Variants in STRIP2 observed in about 807,000 individuals in gnomAD.
STRIP2 encodes striatin-interacting protein 2.
A neutral mutation model predicts 107.1 loss-of-function variants in STRIP2; 84 were observed. That is an observed-to-expected ratio of 0.78 (90% CI 0.66 to 0.94). The LOEUF (loss-of-function observed/expected upper bound fraction) is 0.94, where lower values mean the gene tolerates loss of function less well. STRIP2 is among the 40% of genes least tolerant of loss of function. The probability of loss-of-function intolerance (pLI) is 0.00; values close to 1 mark genes in which losing one functional copy is unlikely to be tolerated. For synonymous variants in STRIP2, 394 were observed against 400.4 expected (o/e 0.98, Z 0.19); for missense variants, 888 against 1,034.2 (o/e 0.86, Z 1.94).
intron 18 of STRIP2, among the ~76,000 whole-genome samples, chr7:129,475,543 CTTTTTTTTTCTTTTT>C (rs760661419): frequency 4.0e-4 from 33 of 83,446 alleles, no homozygotes; most frequent in African/African-American, 1.4e-3. Flanking sequence ...GGTGATGACT[CTTTTTTTTTCTTTTT>C]TTTTTTTTTC....
intron 2 of STRIP2, among the ~76,000 whole-genome samples, chr7:129,441,941 G>T (rs1470404714): frequency 6.6e-6 from 1 of 152,198 alleles, no homozygotes; most frequent in East Asian, 1.9e-4. Flanking sequence ...ATCAATAAAT[G>T]CTTGGCCAGG....
chr7:129,472,229 G>C (rs1798804688), intron 18 of STRIP2, among the ~76,000 whole-genome samples: 1 of 152,138 alleles, frequency 6.6e-6, no homozygotes, highest in Admixed American at 6.5e-5. Context: ...CATTTCAGAA[G>C]ATAAAGTCAA....
rs112703617 is a variant in STRIP2, at chr7:129,459,939, C to T, written c.1404+359C>T. ...GAGCCTGCTCTATATCCATTGTATG[C>T]ATGGAGTCATCACTCCATGCATACG... On this transcript the variant is annotated intron_variant, in intron 12 of 20. Transcript: ENST00000249344. Among the ~76,000 whole-genome samples, 1,016 of 152,192 alleles carry T rather than the reference C, an allele frequency of 6.7e-3. 12 individuals are homozygous for T. The highest frequency in any genetic ancestry group is 0.024 in the African/African-American group (982 of 41,494).
chr7:129,436,211 G>C (rs996788593), intron 1 of STRIP2, among the ~76,000 whole-genome samples: 4 of 152,150 alleles, frequency 2.6e-5, no homozygotes, highest in African/African-American at 9.7e-5. Context: ...TAGGTGCCAG[G>C]GATATATCAG....
At chr7:129,440,931 A>G (rs1447052118) in intron 2 of STRIP2, among the ~76,000 whole-genome samples, 1 of 152,206 alleles carries the variant, frequency 6.6e-6, no homozygotes, top group Non-Finnish European at 1.5e-5. Flanking sequence ...CAGAGAATAA[A>G]TTTTGTGATG....
intron 13 of STRIP2, among the ~76,000 whole-genome samples, chr7:129,460,791 C>T (rs748181127): frequency 1.3e-5 from 2 of 152,136 alleles, no homozygotes; most frequent in African/African-American, 2.4e-5. Context: ...TTAAGAGTGT[C>T]AGAGGTAGTG....
chr7:129,485,967 G>C lies in STRIP2; in HGVS notation c.*138G>C. 1.0e-6 allele frequency: 1 copy of C among 974,048 alleles called. No homozygotes were observed. Among genetic ancestry groups the C allele is most frequent in the Non-Finnish European group, 1.5e-6 (1 of 662,282 alleles). 60.3% of individuals were successfully genotyped at this position (974,048 alleles called of 1,614,324 possible). On this transcript the variant is annotated 3_prime_UTR_variant, in exon 21 of 21. Transcript: ENST00000249344. ...TTGGGCCTAAAGATGGTGCAAGGGTGGGATCCTGAATCACAATAAAATGAT... is the reference window on the plus strand; with the variant it reads ...TTGGGCCTAAAGATGGTGCAAGGGTCGGATCCTGAATCACAATAAAATGAT...
intron 7 of STRIP2, 70 bp from the exon 8 acceptor site, chr7:129,455,174 C>G: frequency 6.5e-7 from 1 of 1,534,384 alleles, no homozygotes; most frequent in Non-Finnish European, 8.8e-7. Context: ...TGTCCAGAAT[C>G]AGGGTTACAT....
At chr7:129,456,400 C>T in intron 8 of STRIP2, 39 bp from the exon 9 acceptor site, 4 of 1,591,128 alleles carry the variant, frequency 2.5e-6, no homozygotes, top group Non-Finnish European at 3.4e-6. Context: ...TACTTCCCTT[C>T]CTTCCTCTCT....
intron 16 of STRIP2, among the ~76,000 whole-genome samples, chr7:129,466,988 C>T (rs185624468): frequency 1.3e-5 from 2 of 152,318 alleles, no homozygotes; most frequent in East Asian, 1.9e-4. Context: ...ATATCAATCA[C>T]AGTTGAAACA....
chr7:129,454,236 G>T, intron 6 of STRIP2, 26 bp downstream of exon 6: 10 of 1,610,636 alleles, frequency 6.2e-6, no homozygotes, highest in Non-Finnish European at 8.5e-6. Flanking sequence ...TATGGGCTTG[G>T]AACAGGGCAG....
At chr7:129,476,991 A>G (rs1273072827) in intron 18 of STRIP2, among the ~76,000 whole-genome samples, 2 of 151,380 alleles carry the variant, frequency 1.3e-5, no homozygotes, top group African/African-American at 2.4e-5. Flanking sequence ...CGGCCAACAC[A>G]GCGAAACCCC....
chr7:129,436,380 A>C (rs979685417), intron 1 of STRIP2, among the ~76,000 whole-genome samples: 4 of 152,218 alleles, frequency 2.6e-5, no homozygotes, highest in African/African-American at 9.7e-5. Flanking sequence ...TTCTTCAGGC[A>C]AAGGCTCTGA....
In STRIP2 at chr7:129,485,783, T is replaced by C; in HGVS notation, c.2459T>C (p.Val820Ala). The C allele has an allele frequency of 1.9e-6, 3 of 1,613,946 alleles. No individual in the cohort carries two copies. Among genetic ancestry groups the C allele is most frequent in the Non-Finnish European group, 2.5e-6 (3 of 1,179,992 alleles). Residue 820 changes from valine (V) to alanine (A), a missense_variant, in exon 21 of 21, where the codon GTG becomes GCG. Transcript: ENST00000249344. The part of the protein sequence containing the change: ...YSYELWLERE[V>A]FSQPICWEEL... The stretch of plus-strand genomic sequence containing the variant: ...TATGAGCTCTGGCTCGAGAGAGAGG[T>C]GTTTTCACAGCCCATCTGTTGGGAG...
intron 8 of STRIP2, among the ~76,000 whole-genome samples, chr7:129,455,728 C>T (rs529177002): frequency 1.9e-4 from 29 of 152,270 alleles, no homozygotes; most frequent in African/African-American, 6.3e-4. Flanking sequence ...CTCAATTTCT[C>T]TAGCTGTAAA....
rs1798771611 is a variant in STRIP2 at position 129,470,727 on chromosome 7, G to A, written c.1944+12G>A. ...CTACTGAAAGTCTGGTAAGCAGATG[G>A]GGATTTGGTAGCCTTTGAAATTGCT... On this transcript the variant is annotated intron_variant, in intron 18 of 20. Transcript: ENST00000249344. 4 of 1,612,578 alleles carry A rather than the reference G, an allele frequency of 2.5e-6. No homozygotes were observed. The highest frequency in any genetic ancestry group is 3.4e-6 in the Non-Finnish European group (4 of 1,178,764).
intron 3 of STRIP2, among the ~76,000 whole-genome samples, chr7:129,449,109 C>A (rs1247298951): frequency 6.6e-6 from 1 of 152,208 alleles, no homozygotes; most frequent in Non-Finnish European, 1.5e-5. Flanking sequence ...ACTATTAGAA[C>A]CTTTTTTAAC....
chr7:129,475,074 C>T (rs1320476195), intron 18 of STRIP2, among the ~76,000 whole-genome samples: 1 of 152,096 alleles, frequency 6.6e-6, no homozygotes. Flanking sequence ...ATATTCAATC[C>T]ACTAAACTAG....
At chr7:129,470,098 A>C (rs1219919729) in intron 17 of STRIP2, among the ~76,000 whole-genome samples, 1 of 152,160 alleles carries the variant, frequency 6.6e-6, no homozygotes, top group African/African-American at 2.4e-5. Flanking sequence ...ACTGTCAGCT[A>C]TTACCATTCT....
Sources: allele counts gnomAD v4.1 joint callset (sites outside exome capture counted in the v4.1 genomes callset), GRCh38; gene constraint gnomAD v4.1.1; transcripts MANE v1.5; gene names NCBI Gene and HGNC (gene_info 2026-07-23, HGNC 2026-07-21).